Variants in CAMSAP2 observed in about 807,000 individuals in gnomAD.
CAMSAP2 encodes calmodulin-regulated spectrin-associated protein 2.
In CAMSAP2, 26 loss-of-function variants were observed where a neutral mutation model predicts 146.1. That is an observed-to-expected ratio of 0.18 (90% CI 0.13 to 0.25). The LOEUF (loss-of-function observed/expected upper bound fraction) is 0.25. Among genes scored for constraint, CAMSAP2 ranks in the 10% least tolerant of loss-of-function variants. The pLI is 1.00. For missense variants in CAMSAP2, 1,381 were observed against 1,759.3 expected (o/e 0.78, Z 3.85); for synonymous variants, 499 against 596.6 (o/e 0.84, Z 2.38).
chr1:200,846,650 C>G (rs1667466647), intron 8 of CAMSAP2, among the ~76,000 whole-genome samples: 1 of 152,174 alleles, frequency 6.6e-6, no homozygotes, highest in African/African-American at 2.4e-5. Context: ...AGTATTTTTA[C>G]CCTTCCTGGG....
intron 2 of CAMSAP2, among the ~76,000 whole-genome samples, chr1:200,768,001 G>C (rs940363941): frequency 2.0e-5 from 3 of 152,092 alleles, no homozygotes; most frequent in African/African-American, 4.8e-5. Context: ...TACTTTACTA[G>C]GTGATCTCAC....
At position 200,791,477 on chromosome 1, in the gene CAMSAP2, A is replaced by T. The variant is rs567775160; in HGVS notation, c.400-15899A>T. On this transcript the variant is annotated intron_variant, in intron 2 of 16. Transcript: ENST00000358823. Reference sequence around the variant, plus strand: ...TCCCCCACCATGTTTTTTAGACTCCATTTGTATAACTGCTTGCTATTGTCC... The same window carrying T: ...TCCCCCACCATGTTTTTTAGACTCCTTTTGTATAACTGCTTGCTATTGTCC... 2.0e-5 allele frequency among the ~76,000 whole-genome samples: 3 copies of T among 152,196 alleles called. No individual in the cohort carries two copies. In the East Asian group the frequency reaches 5.8e-4, roughly 29 times the overall value.
intron 13 of CAMSAP2, among the ~76,000 whole-genome samples, 157 bp from the exon 14 acceptor site, chr1:200,854,660 T>C (rs1227176066): frequency 6.6e-6 from 1 of 152,184 alleles, no homozygotes; most frequent in Non-Finnish European, 1.5e-5. Context: ...TGCAAGCATA[T>C]TATGTGTTTA....
At position 200,832,319 on chromosome 1, in the gene CAMSAP2, T is replaced by C. The variant is rs1667064173; in HGVS notation, c.765T>C (p.Cys255=). 3 of 1,612,310 alleles carry C rather than the reference T, an allele frequency of 1.9e-6. No homozygotes were observed. The highest frequency in any genetic ancestry group is 2.5e-6 in the Non-Finnish European group (3 of 1,179,392). ...TAGCTGCCCTTATTCATTTTTACTG[T>C]CCTGATGTTGTCAGATTAGAGGGTA... is the stretch of plus-strand genomic sequence containing the variant. ...CALAALIHFY[C]PDVVRLEDIC... is the part of the protein sequence containing the mutation. The change falls in exon 5 of 17, where the codon TGT becomes TGC. Residue 255 remains cysteine (C), a synonymous_variant. Transcript: ENST00000358823. The surrounding 1 kb of genome is among the most constrained non-coding windows in gnomAD (Gnocchi z 4.2).
chr1:200,834,006 GGTA>G (rs1667111537), intron 6 of CAMSAP2, among the ~76,000 whole-genome samples: 1 of 151,946 alleles, frequency 6.6e-6, no homozygotes, highest in Non-Finnish European at 1.5e-5. Context: ...ATTTCACATG[GGTA>G]GTATTATTTT....
At chr1:200,835,534 A>G (rs984311577) in intron 6 of CAMSAP2, among the ~76,000 whole-genome samples, 4 of 152,212 alleles carry the variant, frequency 2.6e-5, no homozygotes, top group East Asian at 3.8e-4. Context: ...AGGGTAAACT[A>G]TAAAGCCAGT....
chr1:200,854,295 T>TA (rs1292569392), intron 13 of CAMSAP2, among the ~76,000 whole-genome samples: 1 of 152,104 alleles, frequency 6.6e-6, no homozygotes, highest in Non-Finnish European at 1.5e-5. Context: ...CTCTTATTTT[T>TA]AAAAAAATCT....
In CAMSAP2 at chr1:200,739,323, G is replaced by A. The variant is rs1664076475; in HGVS notation, c.-505G>A. Among the ~76,000 whole-genome samples, 1 of 152,168 alleles carries A rather than the reference G, an allele frequency of 6.6e-6. No homozygotes were observed. The highest frequency in any genetic ancestry group is 1.5e-5 in the Non-Finnish European group (1 of 68,000). On this transcript the variant is annotated 5_prime_UTR_variant, in exon 1 of 17. Transcript: ENST00000358823. This position sits in a 1 kb window ranked among gnomAD's most constrained non-coding sequence, Gnocchi z 4.8. ...CCTCCGCCCACCCGGGGCCTGAGGG[G>A]TCTCCCCGCTCCGAGGGAAGGGGAG...
At chr1:200,802,386 T>A (rs1395843664) in intron 2 of CAMSAP2, among the ~76,000 whole-genome samples, 1 of 152,092 alleles carries the variant, frequency 6.6e-6, no homozygotes, top group Non-Finnish European at 1.5e-5. Flanking sequence ...CTCAGCGGAG[T>A]TGCAAGTGGT....
chr1:200,824,188 C>T (rs994718135), intron 4 of CAMSAP2, among the ~76,000 whole-genome samples: 1 of 148,778 alleles, frequency 6.7e-6, no homozygotes, highest in Non-Finnish European at 1.5e-5. Context: ...ACGGGAGTCC[C>T]TTCAGACTGA....
At chr1:200,794,689 T>C (rs1051876913) in intron 2 of CAMSAP2, among the ~76,000 whole-genome samples, 8 of 152,248 alleles carry the variant, frequency 5.3e-5, no homozygotes, top group Admixed American at 3.9e-4. Context: ...TATTGCCTCC[T>C]GTGCCTGCCT....
intron 1 of CAMSAP2, among the ~76,000 whole-genome samples, chr1:200,753,032 C>T (rs1244371589): frequency 2.0e-5 from 3 of 151,718 alleles, no homozygotes; most frequent in African/African-American, 7.3e-5. Context: ...TGGTGGCTCA[C>T]CCCTGTAATC....
Position 200,807,441 on chromosome 1 carries a change from A to G in CAMSAP2, c.465A>G (p.Glu155=), listed in dbSNP as rs1239805585. The G allele has an allele frequency of 6.8e-6, 11 of 1,613,116 alleles. No homozygotes were observed. The African/African-American group carries it at 1.3e-4, about 20-fold the overall frequency. The change falls in exon 3 of 17, where the codon GAA becomes GAG. Residue 155 remains glutamate, a synonymous_variant. Transcript: ENST00000358823. ...MAYTVEMVSI[E]KVIACAQQYS... ...ATACTGTAGAAATGGTCAGTATAGA[A>G]AAAGTAATTGCGTGTGCTCAGCAGT...
At chr1:200,834,390 T>C (rs557875033) in intron 6 of CAMSAP2, among the ~76,000 whole-genome samples, 1 of 152,172 alleles carries the variant, frequency 6.6e-6, no homozygotes, top group South Asian at 2.1e-4. Flanking sequence ...ATTATCATCA[T>C]CACGAATAGA....
intron 1 of CAMSAP2, among the ~76,000 whole-genome samples, chr1:200,744,548 T>C (rs1664268130): frequency 6.6e-6 from 1 of 152,222 alleles, no homozygotes; most frequent in Non-Finnish European, 1.5e-5. Context: ...GTTTATGCTT[T>C]GCTAGGGGAG....
chr1:200,767,219 C>A (rs1222696035), intron 2 of CAMSAP2, among the ~76,000 whole-genome samples: 1 of 152,054 alleles, frequency 6.6e-6, no homozygotes, highest in Non-Finnish European at 1.5e-5. Context: ...CCTGTAATAT[C>A]AGCTACTTGG....
chr1:200,767,470 T>G (rs963258303), intron 2 of CAMSAP2, among the ~76,000 whole-genome samples: 2 of 134,468 alleles, frequency 1.5e-5, no homozygotes, highest in East Asian at 2.2e-4. Flanking sequence ...AACTTTGTGT[T>G]GTCCCTCTTT....
chr1:200,852,112 G>C (rs538375835), intron 11 of CAMSAP2, among the ~76,000 whole-genome samples: 1 of 152,308 alleles, frequency 6.6e-6, no homozygotes, highest in East Asian at 1.9e-4. Flanking sequence ...TTTCATTTAT[G>C]TGCTACAACA....
rs1450645501 is a variant in CAMSAP2 at position 200,849,840 on chromosome 1, A to T, written c.3071A>T (p.Asp1024Val). Residue 1024 changes from aspartate to valine, a missense_variant, in exon 11 of 17, where the codon GAT (aspartate) becomes GTT (valine). Transcript: ENST00000358823. The surrounding 1 kb of genome is among the most constrained non-coding windows in gnomAD (Gnocchi z 6.3). ...ACTAGGTCATTTGTATGTTTTGGGG[A>T]TGATGGAGAACCTCAGTTAAAGGAA... The part of the protein sequence containing the change: ...IQTRSFVCFG[D>V]DGEPQLKESK... 6.2e-7 allele frequency: 1 copy of T among 1,614,172 alleles called. No homozygotes were observed. The highest frequency in any genetic ancestry group is 1.1e-5 in the South Asian group (1 of 91,078).
Sources: gnomAD v4.1 joint callset for allele counts (sites outside exome capture counted in the v4.1 genomes callset) on GRCh38, gnomAD v4.1.1 for gene constraint, Gnocchi (gnomAD v3.1) non-coding constraint, MANE v1.5 for transcripts, NCBI Gene and HGNC (gene_info 2026-07-23, HGNC 2026-07-21) for gene names.